CPNE7: variants seen among roughly 807,000 people sequenced by gnomAD.
CPNE7 encodes copine 7.
CPNE7 carries 78 observed loss-of-function variants against 66.5 expected under a neutral mutation model. The observed-to-expected ratio is 1.17, with a 90% CI of 0.98 to 1.42. The LOEUF (loss-of-function observed/expected upper bound fraction) is 1.42, where lower values mean the gene tolerates loss of function less well. Among genes scored for constraint, CPNE7 ranks in the 40% most tolerant of loss-of-function variants. The pLI, the probability that CPNE7 is intolerant of heterozygous loss-of-function variation, is 0.00. For synonymous variants in CPNE7, 468 were observed against 336.7 expected, an observed-to-expected ratio of 1.39 and a Z score of -4.27; for missense variants, 1,012 against 776.6, an observed-to-expected ratio of 1.30 and a Z score of -3.60.
chr16:89,578,288 A>C (rs554993171), intron 2 of CPNE7, among the ~76,000 whole-genome samples: 225 of 151,668 alleles, frequency 1.5e-3, no homozygotes, highest in African/African-American at 5.3e-3. Flanking sequence ...TGCTCTTGAA[A>C]TCCTGACCTC....
At chr16:89,588,554 AC>A in intron 9 of CPNE7, 120 bp from the exon 10 acceptor site, 1 of 1,253,400 alleles carries the variant, frequency 8.0e-7, no homozygotes, top group Non-Finnish European at 1.1e-6. Flanking sequence ...CCCCAGCCCT[AC>A]CCACCTACGC....
intron 13 of CPNE7, among the ~76,000 whole-genome samples, chr16:89,595,003 G>A (rs1018063375): frequency 1.3e-5 from 2 of 152,058 alleles, no homozygotes; most frequent in Admixed American, 1.3e-4. Context: ...ACTGGAGCAG[G>A]GTGTGTGGGC....
In CPNE7 at chr16:89,595,539, C is replaced by G; in HGVS notation, c.1475C>G (p.Ser492Cys). The change falls in exon 14 of 15, where the codon TCC (serine) becomes TGC (cysteine). Residue 492 changes from serine (S) to cysteine (C), a missense_variant. Physicochemically the swap from Ser to Cys is moderately radical, Grantham distance 112 (BLOSUM62 -1). Transcript: ENST00000319518. ...GACGGCGACGACGGCGTCCTGCGCT[C>G]CCCACGGGGTGAGCCCGCGCTCCGG... is the stretch of plus-strand genomic sequence containing the variant. ...VLDGDDGVLR[S>C]PRGEPALRDI... The G allele has an allele frequency of 2.5e-6, 4 of 1,612,454 alleles. No homozygotes were observed. The highest frequency in any genetic ancestry group is 3.4e-6 in the Non-Finnish European group (4 of 1,179,752).
chr16:89,596,494 C>T lies in CPNE7; in HGVS notation c.1550C>T (p.Ala517Val), dbSNP rs751917412. The part of the protein sequence containing the change: ...PFRELKNASP[A>V]ALAKCVLAEV... ...TGTCCCATCCTCCAGGCATCCCCTG[C>T]GGCGCTGGCCAAGTGCGTGCTGGCC... Residue 517 changes from alanine (A) to valine (V), a missense_variant, in exon 15 of 15, where the codon GCG becomes GTG. Coordinates refer to ENST00000319518, the MANE Select transcript of CPNE7 (RefSeq NM_153636.3). 47 of 1,607,170 alleles carry T rather than the reference C, an allele frequency of 2.9e-5. No homozygotes were observed. The highest frequency in any genetic ancestry group is 6.7e-5 in the African/African-American group (5 of 74,808).
At chr16:89,588,201 C>T (rs202047079) in intron 9 of CPNE7, among the ~76,000 whole-genome samples, 25 of 15,184 alleles carry the variant, frequency 1.6e-3, no homozygotes, top group South Asian at 0.013. Context: ...GCCCCCGTGT[C>T]ACCCGCGTGT....
intron 5 of CPNE7, among the ~76,000 whole-genome samples, 171 bp downstream of exon 5, chr16:89,585,028 CT>C (rs991065599): frequency 5.0e-4 from 76 of 152,144 alleles, no homozygotes; most frequent in African/African-American, 1.7e-3. Flanking sequence ...GCGCAGGGCC[CT>C]GGGGGCCGTG....
intron 9 of CPNE7, chr16:89,587,700 C>CCGTGTCACCCCCATGTCACCTG: frequency 2.8e-6 from 1 of 353,872 alleles, no homozygotes; most frequent in South Asian, 2.0e-5. Context: ...TACGCACACC[C>CCGTGTCACCCCCATGTCACCTG]CGTGTCACCC....
In CPNE7 at chr16:89,577,597, C is replaced by T. The variant is rs749587094; in HGVS notation, c.233C>T (p.Thr78Met). ...CATCCCGTGTTCTCCAAGGTCTTCA[C>T]GGTGGACTACTACTTCGAGGAGGTG... ...SLHPVFSKVF[T>M]VDYYFEEVQR... Residue 78 changes from threonine to methionine, a missense_variant, in exon 2 of 15, where the codon ACG becomes ATG. Physicochemically the swap from Thr to Met is moderately conservative, Grantham distance 81. Transcript: ENST00000319518. 1.5e-5 allele frequency: 24 copies of T among 1,556,670 alleles called. No individual in the cohort carries two copies. The highest frequency in any genetic ancestry group is 4.7e-5 in the South Asian group (4 of 84,390).
Position 89,587,655 on chromosome 16 carries a change from C to T in CPNE7, c.927+553C>T, listed in dbSNP as rs983138905. 7 of 442,406 alleles carry T rather than the reference C, an allele frequency of 1.6e-5. No individual in the cohort carries two copies. In the East Asian group the frequency reaches 3.6e-4, roughly 23 times the overall value. The allele number at this position is 442,406 out of a possible 1,614,324, so 27.4% of individuals were successfully genotyped here. A position where few individuals can be genotyped will look rare whatever the true frequency, so the allele number is the denominator to read the frequency against. The stretch of plus-strand genomic sequence containing the variant: ...AGCCCGGCACAGACCCCGTGTCACC[C>T]CCATGTCACCCGCAGACCCCGCGTC... On this transcript the variant is annotated intron_variant, in intron 9 of 14. Coordinates refer to ENST00000319518, the MANE Select transcript of CPNE7 (RefSeq NM_153636.3).
intron 11 of CPNE7, 106 bp from the exon 12 acceptor site, chr16:89,590,901 G>A (rs1266400968): frequency 1.2e-5 from 15 of 1,213,606 alleles, no homozygotes; most frequent in East Asian, 2.6e-5. Context: ...GCAGCTGACT[G>A]GGGGACATGG....
chr16:89,578,772 AAAAAAAG>A (rs2058900606), intron 2 of CPNE7: 1 of 1,409,826 alleles, frequency 7.1e-7, no homozygotes, highest in Non-Finnish European at 9.2e-7. Flanking sequence ...AAAAAAAAAA[AAAAAAAG>A]AAGCCTCCTT....
At chr16:89,596,398 TGAG>T in intron 14 of CPNE7, 83 bp from the exon 15 acceptor site, 1 of 1,507,402 alleles carries the variant, frequency 6.6e-7, no homozygotes, top group East Asian at 2.3e-5. Context: ...CTCTGGAGGA[TGAG>T]GCCTGGGCCA....
chr16:89,584,491 T>C lies in CPNE7; in HGVS notation c.508-283T>C, dbSNP rs987751284. The stretch of plus-strand genomic sequence containing the variant: ...AACCCCGCCATGTAGGGCGTCTCCC[T>C]GGAGGGGCTGAGTCGCAGGGTGTGT... On this transcript the variant is annotated intron_variant, in intron 4 of 14. Coordinates refer to ENST00000319518, the MANE Select transcript of CPNE7 (RefSeq NM_153636.3). The surrounding 1 kb of genome is among the most constrained non-coding windows in gnomAD (Gnocchi z 6.0). 8.6e-5 allele frequency among the ~76,000 whole-genome samples: 13 copies of C among 151,336 alleles called. No homozygotes were observed. The highest frequency in any genetic ancestry group is 8.3e-4 in the South Asian group (4 of 4,806).
chr16:89,588,222 T>TACACGGCCCCCGTGTCACCCACAGAA lies in CPNE7; in HGVS notation c.928-433_928-432insACAGAAACACGGCCCCCGTGTCACCC, dbSNP rs2059113339. Among the ~76,000 whole-genome samples, 4 of 126,014 alleles carry TACACGGCCCCCGTGTCACCCACAGAA rather than the reference T, an allele frequency of 3.2e-5. 1 individual carries two copies. The highest frequency in any genetic ancestry group is 4.9e-4 in the South Asian group (2 of 4,078). The allele number at this position is 126,014 out of a possible 152,430, so 82.7% of individuals were successfully genotyped here. ...GTGTCACCCGCGTGTCACCCACAGA[T>TACACGGCCCCCGTGTCACCCACAGAA]ACACGGCCCCCGTGTCACCCGCGTG... On this transcript the variant is annotated intron_variant, in intron 9 of 14. Coordinates refer to ENST00000319518, the MANE Select transcript of CPNE7 (RefSeq NM_153636.3).
chr16:89,585,343 G>A (rs986082483), intron 5 of CPNE7, 121 bp from the exon 6 acceptor site: 34 of 713,012 alleles, frequency 4.8e-5, no homozygotes, highest in Non-Finnish European at 7.6e-5. Context: ...GCTGTCTGGG[G>A]TGATGCAGGG....
At chr16:89,579,379 C>T (rs2058911464) in intron 2 of CPNE7, among the ~76,000 whole-genome samples, 1 of 152,190 alleles carries the variant, frequency 6.6e-6, no homozygotes, top group Non-Finnish European at 1.5e-5. Context: ...TGACCATCAC[C>T]CGTCACACAG....
At chr16:89,596,055 C>T in intron 14 of CPNE7, 4 of 449,396 alleles carry the variant, frequency 8.9e-6, no homozygotes, top group South Asian at 7.1e-5. Context: ...GCAAGACGTG[C>T]ATGCCACATA....
chr16:89,587,603 G>A (rs1417894552), intron 9 of CPNE7: 2 of 453,602 alleles, frequency 4.4e-6, no homozygotes, highest in South Asian at 3.1e-5. Flanking sequence ...GAGTGAACCA[G>A]CCACAGTCTC....
rs189625101 is a variant in CPNE7 at position 89,582,571 on chromosome 16, G to T, written c.358-1126G>T. ...GGGAATCTTGGGGGGCCTGGCCCGAGGCTCCCCCTCCCAGCACCCAGGACC... is the reference window on the plus strand; with the variant it reads ...GGGAATCTTGGGGGGCCTGGCCCGATGCTCCCCCTCCCAGCACCCAGGACC... On this transcript the variant is annotated intron_variant, in intron 2 of 14. Coordinates refer to ENST00000319518, the MANE Select transcript of CPNE7 (RefSeq NM_153636.3). Among the ~76,000 whole-genome samples, 334 of 152,274 alleles carry T rather than the reference G, an allele frequency of 2.2e-3. 4 individuals are homozygous for T. The highest frequency in any genetic ancestry group is 6.8e-3 in the Middle Eastern group (2 of 294).
Sources: allele counts gnomAD v4.1 joint callset (sites outside exome capture counted in the v4.1 genomes callset), GRCh38; gene constraint gnomAD v4.1.1; non-coding constraint Gnocchi (gnomAD v3.1); transcripts MANE v1.5; gene names NCBI Gene and HGNC (gene_info 2026-07-23, HGNC 2026-07-21).